ADAMTS16: variants seen among roughly 807,000 people sequenced by gnomAD.
ADAMTS16 encodes A disintegrin and metalloproteinase with thrombospondin motifs 16.
ADAMTS16 carries 94 observed loss-of-function variants against 145.8 expected under a neutral mutation model. The observed-to-expected ratio is 0.64, with a 90% CI of 0.55 to 0.77. ADAMTS16 has a LOEUF of 0.77. Ranked by LOEUF, ADAMTS16 falls within the 30% of genes least tolerant of loss-of-function variation. ADAMTS16 has a pLI of 0.00. For missense variants in ADAMTS16, 1,585 were observed against 1,591.5 expected (o/e 1.00, Z 0.07); for synonymous variants, 659 against 604.3 (o/e 1.09, Z -1.33).
chr5:5,244,917 CTA>C (rs1256650337), intron 17 of ADAMTS16, among the ~76,000 whole-genome samples: 1 of 152,130 alleles, frequency 6.6e-6, no homozygotes, highest in East Asian at 1.9e-4. Context: ...TTCCCTTGAT[CTA>C]TGTTTGGAGG....
chr5:5,243,665 C>T (rs914674079), intron 17 of ADAMTS16, among the ~76,000 whole-genome samples: 5 of 152,138 alleles, frequency 3.3e-5, no homozygotes, highest in African/African-American at 1.2e-4. Flanking sequence ...AATTTTTGAA[C>T]TCTTTCTTGT....
chr5:5,168,781 A>T (rs1252107514), intron 3 of ADAMTS16, among the ~76,000 whole-genome samples: 41 of 143,722 alleles, frequency 2.9e-4, no homozygotes, highest in African/African-American at 1.1e-3. Flanking sequence ...ATTTTATTAT[A>T]GATAGAGCCC....
At chr5:5,216,331 T>A (rs1030419032) in intron 10 of ADAMTS16, among the ~76,000 whole-genome samples, 3 of 152,158 alleles carry the variant, frequency 2.0e-5, no homozygotes, top group African/African-American at 7.2e-5. Context: ...GTTGGCCATT[T>A]GTATATCTTC....
Position 5,317,848 on chromosome 5 carries a change from T to C in ADAMTS16, c.3412-286T>C, listed in dbSNP as rs1734116153. Among the ~76,000 whole-genome samples, 1 of 117,738 alleles carries C rather than the reference T, an allele frequency of 8.5e-6. No individual in the cohort carries two copies. Among genetic ancestry groups the C allele is most frequent in the Admixed American group, 7.9e-5 (1 of 12,584 alleles). The allele number at this position is 117,738 out of a possible 152,430, so 77.2% of individuals were successfully genotyped here. A position where few individuals can be genotyped will look rare whatever the true frequency, so the allele number is the denominator to read the frequency against. On this transcript the variant is annotated intron_variant, in intron 21 of 22. Transcript: ENST00000274181. The surrounding 1 kb of genome is among the most constrained non-coding windows in gnomAD (Gnocchi z 4.5). ...TCAAGGCTCAAGGCTGTCTTCTATC[T>C]GAAAACAGGAAGGGTTCCAGGAGCT...
Position 5,140,675 on chromosome 5 carries a change from C to A in ADAMTS16, c.84C>A (p.Cys28Ter). The stretch of plus-strand genomic sequence containing the variant: ...GCTGTTTTCCGCAGGCACCTGCGTG[C>A]GCCATGGGACCCGCAGCGGCAGCGC... Reference protein sequence around the residue: ...LAQVAEQAPACAMGPAAAAPG... With the variant: ...LAQVAEQAPA The change falls in exon 2 of 23, where the codon TGC becomes TGA. Residue 28 changes from cysteine (C) to a stop codon, truncating the protein, a stop_gained. Transcript: ENST00000274181. LOFTEE classifies it high-confidence loss of function. 1.9e-6 allele frequency: 3 copies of A among 1,555,872 alleles called. No individual in the cohort carries two copies. Among genetic ancestry groups the A allele is most frequent in the Non-Finnish European group, 2.6e-6 (3 of 1,153,886 alleles).
chr5:5,284,927 C>T (rs1001937621), intron 18 of ADAMTS16, among the ~76,000 whole-genome samples: 2 of 152,178 alleles, frequency 1.3e-5, no homozygotes, highest in African/African-American at 2.4e-5. Context: ...TGCTGCAGGC[C>T]TTGTTCCTCT....
chr5:5,257,342 A>G (rs1737820230), intron 17 of ADAMTS16, among the ~76,000 whole-genome samples: 1 of 152,230 alleles, frequency 6.6e-6, no homozygotes, highest in Non-Finnish European at 1.5e-5. Context: ...GTGACAAACT[A>G]ATCCATGCAT....
chr5:5,263,821 C>T (rs1486120181), intron 18 of ADAMTS16, among the ~76,000 whole-genome samples: 1 of 152,198 alleles, frequency 6.6e-6, no homozygotes, highest in East Asian at 1.9e-4. Context: ...CTGCCCTCCA[C>T]CAGCGGGGGC....
intron 14 of ADAMTS16, 101 bp downstream of exon 14, chr5:5,237,200 C>A: frequency 1.5e-6 from 2 of 1,303,210 alleles, no homozygotes; most frequent in Non-Finnish European, 1.0e-6. Context: ...TGAGACAAGC[C>A]TTTCCCTCTA....
chr5:5,157,212 G>A (rs763206488), intron 3 of ADAMTS16, among the ~76,000 whole-genome samples: 16 of 150,894 alleles, frequency 1.1e-4, no homozygotes, highest in South Asian at 6.3e-4. Flanking sequence ...TAATTTCACA[G>A]AAATATATAG....
intron 21 of ADAMTS16, among the ~76,000 whole-genome samples, chr5:5,307,983 G>A (rs1032765716): frequency 1.3e-5 from 2 of 152,202 alleles, no homozygotes; most frequent in Admixed American, 6.5e-5. Context: ...TGTCATGGGG[G>A]CTGAATGCTG....
chr5:5,144,773 C>T (rs1734250479), intron 2 of ADAMTS16, among the ~76,000 whole-genome samples: 1 of 152,196 alleles, frequency 6.6e-6, no homozygotes, highest in Admixed American at 6.5e-5. Flanking sequence ...CCTGTCCCAC[C>T]CTTCTGTCTC....
chr5:5,318,111 A>G, intron 21 of ADAMTS16, 23 bp from the exon 22 acceptor site: 1 of 1,369,354 alleles, frequency 7.3e-7, no homozygotes, highest in Non-Finnish European at 9.5e-7. Flanking sequence ...GGCCATGGTG[A>G]CATGTGTGTG....
intron 11 of ADAMTS16, among the ~76,000 whole-genome samples, chr5:5,230,083 A>G (rs1178396281): frequency 6.6e-6 from 1 of 152,150 alleles, no homozygotes; most frequent in East Asian, 1.9e-4. Context: ...AATGCCTTAG[A>G]TCCAATTGCC....
chr5:5,305,805 G>A (rs964885061), intron 20 of ADAMTS16, among the ~76,000 whole-genome samples: 2 of 152,204 alleles, frequency 1.3e-5, no homozygotes, highest in African/African-American at 2.4e-5. Flanking sequence ...AGACAGCAAC[G>A]CCAGGGGCCG....
intron 10 of ADAMTS16, among the ~76,000 whole-genome samples, chr5:5,219,027 A>G (rs1321856644): frequency 1.3e-5 from 2 of 152,090 alleles, no homozygotes; most frequent in East Asian, 3.9e-4. Context: ...GTCTTGGAAA[A>G]TGCGACATTT....
intron 9 of ADAMTS16, among the ~76,000 whole-genome samples, chr5:5,206,154 C>T (rs1056229466): frequency 7.3e-5 from 11 of 151,650 alleles, no homozygotes; most frequent in Admixed American, 2.6e-4. Context: ...TGGCCGGGCG[C>T]GGTGGCTCAC....
chr5:5,223,171 T>C (rs769826648), intron 11 of ADAMTS16: 9 of 403,462 alleles, frequency 2.2e-5, no homozygotes, highest in East Asian at 1.8e-4. Context: ...CATTAAGCCA[T>C]TGACCACCAT....
Position 5,303,370 on chromosome 5 carries a change from A to C in ADAMTS16, c.2892A>C (p.Pro964=). The stretch of plus-strand genomic sequence containing the variant: ...GGCGGGTGCACTATGACTCGGAGCC[A>C]GTCCCGGCCAGCCTGTGCCCTCAGC... ...CTRRVHYDSE[P]VPASLCPQPA... is the part of the protein sequence containing the mutation. Residue 964 remains proline, a synonymous_variant, in exon 19 of 23, where the codon CCA becomes CCC. Transcript: ENST00000274181. 6.2e-7 allele frequency: 1 copy of C among 1,601,382 alleles called. No homozygotes were observed. The highest frequency in any genetic ancestry group is 8.5e-7 in the Non-Finnish European group (1 of 1,175,110).
Sources: gnomAD v4.1 joint callset for allele counts (sites outside exome capture counted in the v4.1 genomes callset) on GRCh38, gnomAD v4.1.1 for gene constraint, Gnocchi (gnomAD v3.1) non-coding constraint, MANE v1.5 for transcripts, NCBI Gene and HGNC (gene_info 2026-07-23, HGNC 2026-07-21) for gene names.